AKAP11: variants seen among roughly 807,000 people sequenced by gnomAD.
The protein encoded by AKAP11 is A-kinase anchor protein 11.
Under a neutral mutation model 146.1 loss-of-function variants are expected in AKAP11, and 36 were observed. The observed-to-expected ratio is 0.25, with a 90% CI of 0.19 to 0.33. The LOEUF (loss-of-function observed/expected upper bound fraction) is 0.33. AKAP11 is among the 10% of genes least tolerant of loss of function. The probability of loss-of-function intolerance (pLI) is 1.00; values close to 1 mark genes in which losing one functional copy is unlikely to be tolerated. For missense variants in AKAP11, 2,201 were observed against 2,197.0 expected (o/e 1.00, Z -0.04); for synonymous variants, 780 against 786.5 (o/e 0.99, Z 0.14).
chr13:42,302,121 G>A lies in AKAP11; in HGVS notation c.3375G>A (p.Lys1125=). 1 of 1,614,134 alleles carries A rather than the reference G, an allele frequency of 6.2e-7. No homozygotes were observed. The highest frequency in any genetic ancestry group is 8.5e-7 in the Non-Finnish European group (1 of 1,180,018). The change falls in exon 8 of 13, where the codon AAG becomes AAA. Residue 1125 remains lysine, a synonymous_variant. Coordinates refer to ENST00000025301, the MANE Select transcript of AKAP11 (RefSeq NM_016248.4). ...WDIKKLTKKL[K]GELAKEFAPA... is the part of the protein sequence containing the mutation. ...TCAAGAAGTTAACTAAAAAGCTCAA[G>A]GGAGAATTAGCCAAAGAGTTTGCAC...
intron 8 of AKAP11, among the ~76,000 whole-genome samples, chr13:42,307,552 A>G (rs1960325706): frequency 6.6e-6 from 1 of 152,130 alleles, no homozygotes; most frequent in African/African-American, 2.4e-5. Context: ...AAAAACCAAA[A>G]GTGAAATGAG....
chr13:42,289,285 A>G (rs1287734515), intron 3 of AKAP11, among the ~76,000 whole-genome samples: 1 of 152,142 alleles, frequency 6.6e-6, no homozygotes, highest in Non-Finnish European at 1.5e-5. Context: ...AATATCTCCT[A>G]TAGAGGCAGG....
intron 1 of AKAP11, among the ~76,000 whole-genome samples, chr13:42,279,155 G>A (rs2138421063): frequency 6.6e-6 from 1 of 151,904 alleles, no homozygotes; most frequent in East Asian, 1.9e-4. Flanking sequence ...GAGCTTCCTT[G>A]GTACTGTCAG....
At chr13:42,307,541 C>CA (rs1291258133) in intron 8 of AKAP11, among the ~76,000 whole-genome samples, 1 of 151,848 alleles carries the variant, frequency 6.6e-6, no homozygotes, top group Non-Finnish European at 1.5e-5. Context: ...ATACTTGAGC[C>CA]AAAAACCAAA....
Position 42,300,850 on chromosome 13 carries a change from T to C in AKAP11, c.2104T>C (p.Phe702Leu). ...GTCTGAATCTGTAATACAGGAAGCA[T>C]TCATTGAGCTATCACAAGTTGATGT... ...DLSESVIQEA[F>L]IELSQVDVTF... The change falls in exon 8 of 13, where the codon TTC becomes CTC. Residue 702 changes from phenylalanine to leucine, a missense_variant. Coordinates refer to ENST00000025301, the MANE Select transcript of AKAP11 (RefSeq NM_016248.4). 1 of 1,614,092 alleles carries C rather than the reference T, an allele frequency of 6.2e-7. No individual in the cohort carries two copies. Among genetic ancestry groups the C allele is most frequent in the Non-Finnish European group, 8.5e-7 (1 of 1,179,974 alleles).
At position 42,302,812 on chromosome 13, in the gene AKAP11, G is replaced by A; in HGVS notation, c.4066G>A (p.Glu1356Lys). 1 of 1,614,056 alleles carries A rather than the reference G, an allele frequency of 6.2e-7. No homozygotes were observed. Among genetic ancestry groups the A allele is most frequent in the African/African-American group, 1.3e-5 (1 of 75,018 alleles). The part of the protein sequence containing the change: ...AGHLIQILKQ[E>K]GGNSELIMDQ... ...TCACCTTATTCAGATACTAAAACAG[G>A]AAGGTGGTAATAGTGAGTTGATAAT... Residue 1356 changes from glutamate to lysine, a missense_variant, in exon 8 of 13, where the codon GAA becomes AAA. Physicochemically the swap from Glu to Lys is moderately conservative, Grantham distance 56 (BLOSUM62 1). Around this residue, in one of 3 missense-constraint regions of AKAP11, gnomAD observed 1,867 missense variants for 1,833.5 expected, o/e 1.02. Transcript: ENST00000025301.
In AKAP11 at chr13:42,295,760, A is replaced by G. The variant is rs1184335508; in HGVS notation, c.216+18A>G. On this transcript the variant is annotated intron_variant, in intron 5 of 12. Transcript: ENST00000025301. ...ATATACAGGTATGGTGAATTTTAGC[A>G]TTTTTACTGAGTATTCTTGTCATGG... 7.5e-6 allele frequency: 12 copies of G among 1,604,184 alleles called. No homozygotes were observed. Among genetic ancestry groups the G allele is most frequent in the Non-Finnish European group, 1.0e-5 (12 of 1,175,684 alleles).
chr13:42,302,572 A>G lies in AKAP11; in HGVS notation c.3826A>G (p.Lys1276Glu), dbSNP rs752610991. ...EVITEAEKIAKVRNCMLFKQK... is the reference protein window; with the variant it reads ...EVITEAEKIAEVRNCMLFKQK... ...CATTACAGAAGCTGAGAAAATAGCA[A>G]AAGTCCGAAATTGTATGCTTTTCAA... is the stretch of plus-strand genomic sequence containing the variant. The change falls in exon 8 of 13, where the codon AAA becomes GAA. Residue 1276 changes from lysine to glutamate, a missense_variant. Around this residue, in one of 3 missense-constraint regions of AKAP11, gnomAD observed 1,867 missense variants for 1,833.5 expected, o/e 1.02. Coordinates refer to ENST00000025301, the MANE Select transcript of AKAP11 (RefSeq NM_016248.4). 1.9e-6 allele frequency: 3 copies of G among 1,614,164 alleles called. No individual in the cohort carries two copies. The highest frequency in any genetic ancestry group is 2.5e-6 in the Non-Finnish European group (3 of 1,180,026).
chr13:42,317,742 TTGTCA>T, intron 12 of AKAP11, 54 bp downstream of exon 12: 1 of 1,555,916 alleles, frequency 6.4e-7, no homozygotes, highest in African/African-American at 1.4e-5. Flanking sequence ...TATGATGTTC[TTGTCA>T]TGTGATTGGT....
At chr13:42,307,601 G>A (rs1960328766) in intron 8 of AKAP11, among the ~76,000 whole-genome samples, 1 of 151,998 alleles carries the variant, frequency 6.6e-6, no homozygotes, top group African/African-American at 2.4e-5. Flanking sequence ...AGATTTCCAG[G>A]CCTAGGGGTG....
At chr13:42,294,090 A>G (rs930568794) in intron 4 of AKAP11, among the ~76,000 whole-genome samples, 10 of 152,240 alleles carry the variant, frequency 6.6e-5, no homozygotes, top group African/African-American at 2.4e-4. Flanking sequence ...AATAGCCATA[A>G]TTAATCAGAA....
rs3038992 is a variant in AKAP11, at chr13:42,319,906, GGTGTGTGT to G, written c.*715_*722del. 0.12 allele frequency: 16,034 copies of G among 132,700 alleles called. 1,092 individuals are homozygous for G. The highest frequency in any genetic ancestry group is 0.21 in the South Asian group (793 of 3,724). The allele number at this position is 132,700 out of a possible 1,614,324, so 8.2% of individuals were successfully genotyped here. On this transcript the variant is annotated 3_prime_UTR_variant, in exon 13 of 13. Coordinates refer to ENST00000025301, the MANE Select transcript of AKAP11 (RefSeq NM_016248.4). ...TGCTGCCAGTCATTCTGGCATGAAA[GGTGTGTGT>G]GTGTGTGTGTGTGTGTGTGTGTGTG...
At chr13:42,292,545 C>A in intron 4 of AKAP11, 44 bp downstream of exon 4, 1 of 1,164,920 alleles carries the variant, frequency 8.6e-7, no homozygotes, top group Non-Finnish European at 1.2e-6. Context: ...TAATGCACAG[C>A]ATATTTTCAT....
At chr13:42,313,343 G>C (rs1415286846) in intron 10 of AKAP11, among the ~76,000 whole-genome samples, 2 of 152,124 alleles carry the variant, frequency 1.3e-5, no homozygotes, top group Non-Finnish European at 2.9e-5. Flanking sequence ...ATGTGTCACT[G>C]TTATGCATGT....
At position 42,317,506 on chromosome 13, in the gene AKAP11, A is replaced by C. The variant is rs1176208534; in HGVS notation, c.5405-22A>C. On this transcript the variant is annotated intron_variant, in intron 11 of 12. Transcript: ENST00000025301. The stretch of plus-strand genomic sequence containing the variant: ...GTTAAATTGATGAGTTTTACTTTAT[A>C]TTGTTTACATTTAAATATTAGGTTT... 1.9e-6 allele frequency: 3 copies of C among 1,602,110 alleles called. No homozygotes were observed. The East Asian group carries it at 6.7e-5, about 36-fold the overall frequency.
chr13:42,302,805 A>G lies in AKAP11; in HGVS notation c.4059A>G (p.Leu1353=), dbSNP rs1566280131. 2 of 1,614,154 alleles carry G rather than the reference A, an allele frequency of 1.2e-6. No homozygotes were observed. Among genetic ancestry groups the G allele is most frequent in the East Asian group, 2.2e-5 (1 of 44,878 alleles). Residue 1353 remains leucine (L), a synonymous_variant, in exon 8 of 13, where the codon CTA becomes CTG. Transcript: ENST00000025301. ...DEYAGHLIQI[L]KQEGGNSELI... ...ATGCAGGTCACCTTATTCAGATACTAAAACAGGAAGGTGGTAATAGTGAGT... is the reference window on the plus strand; with the variant it reads ...ATGCAGGTCACCTTATTCAGATACTGAAACAGGAAGGTGGTAATAGTGAGT...
At chr13:42,296,930 T>C (rs993682921) in intron 5 of AKAP11, 118 bp from the exon 6 acceptor site, 13 of 761,998 alleles carry the variant, frequency 1.7e-5, no homozygotes, top group Non-Finnish European at 2.6e-5. Flanking sequence ...TTAACTATTA[T>C]GAACCAGGAA....
At chr13:42,310,778 G>A (rs1960520373) in intron 9 of AKAP11, among the ~76,000 whole-genome samples, 1 of 151,140 alleles carries the variant, frequency 6.6e-6, no homozygotes, top group Non-Finnish European at 1.5e-5. Context: ...AGAATTGCTT[G>A]AACCTGGGAG....
In AKAP11 at chr13:42,298,580, A is replaced by G. The variant is rs142812726; in HGVS notation, c.399A>G (p.Ser133=). The change falls in exon 7 of 13, where the codon TCA becomes TCG. Residue 133 remains serine, a synonymous_variant. Coordinates refer to ENST00000025301, the MANE Select transcript of AKAP11 (RefSeq NM_016248.4). ...MLCVMRVSPT[S]PRLRIDFIFS... is the part of the protein sequence containing the mutation. ...GTGTCATGAGAGTGTCACCTACATC[A>G]CCAAGACTTAGGATTGATTTTATCT... 1.6e-3 allele frequency: 2,555 copies of G among 1,612,720 alleles called. 59 individuals carry two copies. The Admixed American group carries it at 0.029, about 18-fold the overall frequency.
Sources: gnomAD v4.1 joint callset for allele counts (sites outside exome capture counted in the v4.1 genomes callset) on GRCh38, gnomAD v4.1.1 for gene constraint, gnomAD v4.1.1 regional missense constraint, MANE v1.5 for transcripts, NCBI Gene and HGNC (gene_info 2026-07-23, HGNC 2026-07-21) for gene names.